The following FBXO40 variants were observed in gnomAD, a reference collection of about 807,000 sequenced individuals.
FBXO40 encodes F-box only protein 40.
In FBXO40, 50 loss-of-function variants were observed where a neutral mutation model predicts 49.9. That is an observed-to-expected ratio of 1.00 (90% CI 0.80 to 1.27). The LOEUF is 1.27. Ranked by LOEUF, FBXO40 falls within the 50% of genes most tolerant of loss-of-function variation. The pLI is 0.00. For synonymous variants in FBXO40, 340 were observed against 320.2 expected (o/e 1.06, Z -0.66); for missense variants, 895 against 870.1 (o/e 1.03, Z -0.36).
chr3:121,621,553 T>G lies in FBXO40; in HGVS notation c.124T>G (p.Cys42Gly), dbSNP rs777650887. 1.2e-6 allele frequency: 2 copies of G among 1,614,236 alleles called. No homozygotes were observed. Among genetic ancestry groups the G allele is most frequent in the Non-Finnish European group, 1.7e-6 (2 of 1,180,038 alleles). The change falls in exon 3 of 4, where the codon TGT becomes GGT. Residue 42 changes from cysteine to glycine, a missense_variant. Coordinates refer to ENST00000338040, the MANE Select transcript of FBXO40 (RefSeq NM_016298.4). Reference protein sequence around the residue: ...SCLVISCHLLCGATFHMCKEA... With the variant: ...SCLVISCHLLGGATFHMCKEA... ...CCTGGTAATAAGCTGCCACCTGCTC[T>G]GTGGTGCCACCTTCCACATGTGCAA...
intron 1 of FBXO40, among the ~76,000 whole-genome samples, chr3:121,593,798 G>T (rs1576447947): frequency 6.6e-6 from 1 of 152,162 alleles, no homozygotes; most frequent in African/African-American, 2.4e-5. Flanking sequence ...GGTGATGGGT[G>T]GGGGGATCTG....
chr3:121,595,634 G>A (rs906403670), intron 1 of FBXO40, among the ~76,000 whole-genome samples: 16 of 152,162 alleles, frequency 1.1e-4, no homozygotes, highest in Admixed American at 2.0e-4. Context: ...GAATCGCAGC[G>A]TCGAAGCCAA....
chr3:121,619,897 C>A (rs2049020892), intron 1 of FBXO40, among the ~76,000 whole-genome samples: 1 of 152,208 alleles, frequency 6.6e-6, no homozygotes. Flanking sequence ...AACACATTCC[C>A]ACATGGCATC....
chr3:121,626,264 G>A (rs576596867), intron 3 of FBXO40, among the ~76,000 whole-genome samples: 1 of 151,918 alleles, frequency 6.6e-6, no homozygotes, highest in African/African-American at 2.4e-5. Context: ...TCTGGTGATT[G>A]CTGGCACCTC....
At chr3:121,597,848 A>T (rs1196435375) in intron 1 of FBXO40, among the ~76,000 whole-genome samples, 1 of 151,930 alleles carries the variant, frequency 6.6e-6, no homozygotes, top group African/African-American at 2.4e-5. Context: ...TTTTTAGTAG[A>T]GACAGGGTTT....
rs147521206 is a variant in FBXO40 at position 121,626,813 on chromosome 3, C to T, written c.2033C>T (p.Pro678Leu). The change falls in exon 4 of 4, where the codon CCG becomes CTG. Residue 678 changes from proline (P) to leucine (L), a missense_variant. By Grantham distance (98) the Pro-to-Leu change is moderately conservative. Coordinates refer to ENST00000338040, the MANE Select transcript of FBXO40 (RefSeq NM_016298.4). ...AACATTGTAGAGCACAAAACTGACC[C>T]GATTCTTTTGACTAGCATGTGTCAG... ...PFNIVEHKTD[P>L]ILLTSMCQPR... 267 of 1,614,114 alleles carry T rather than the reference C, an allele frequency of 1.7e-4. No individual in the cohort carries two copies. The highest frequency in any genetic ancestry group is 2.2e-4 in the Non-Finnish European group (261 of 1,180,000).
At chr3:121,604,796 G>A (rs182738121) in intron 1 of FBXO40, among the ~76,000 whole-genome samples, 1 of 152,024 alleles carries the variant, frequency 6.6e-6, no homozygotes, top group East Asian at 1.9e-4. Flanking sequence ...CAGCCCATGG[G>A]GTATCATTGG....
chr3:121,611,924 C>A (rs1473282205), intron 1 of FBXO40, among the ~76,000 whole-genome samples: 2 of 152,232 alleles, frequency 1.3e-5, no homozygotes, highest in Non-Finnish European at 2.9e-5. Context: ...TGATTTTATA[C>A]AACACATGTT....
At chr3:121,613,369 T>G (rs1396222559) in intron 1 of FBXO40, among the ~76,000 whole-genome samples, 1 of 152,136 alleles carries the variant, frequency 6.6e-6, no homozygotes, top group African/African-American at 2.4e-5. Context: ...CATGGTCGCC[T>G]GAGGCAATGC....
chr3:121,608,510 G>A (rs1197193256), intron 1 of FBXO40, among the ~76,000 whole-genome samples: 1 of 152,202 alleles, frequency 6.6e-6, no homozygotes, highest in Non-Finnish European at 1.5e-5. Flanking sequence ...TGCAGGAATG[G>A]TTTAGAGCGT....
intron 1 of FBXO40, among the ~76,000 whole-genome samples, chr3:121,603,537 C>T (rs7636922): frequency 0.21 from 32,391 of 151,908 alleles, 3,852 homozygotes; most frequent in Admixed American, 0.36. Context: ...GGACATTCTG[C>T]AGGCTTGGTG....
chr3:121,613,319 C>G (rs1296327924), intron 1 of FBXO40, among the ~76,000 whole-genome samples: 1 of 152,094 alleles, frequency 6.6e-6, no homozygotes, highest in African/African-American at 2.4e-5. Flanking sequence ...CAGTAGGGTC[C>G]CCTTGTTCAT....
intron 1 of FBXO40, among the ~76,000 whole-genome samples, chr3:121,607,057 G>C (rs2048935408): frequency 6.6e-6 from 1 of 152,098 alleles, no homozygotes; most frequent in Non-Finnish European, 1.5e-5. Context: ...CCGAGGTCAA[G>C]AGTTTGAGAC....
rs2049064646 is a variant in FBXO40, at chr3:121,626,917, A to T, written c.*7A>T. On this transcript the variant is annotated 3_prime_UTR_variant, in exon 4 of 4. Coordinates refer to ENST00000338040, the MANE Select transcript of FBXO40 (RefSeq NM_016298.4). ...AGGAAGATACGTCTCCTAAAAATTCAGATGCCACTCGATGCACCCTTCTTG... is the reference window on the plus strand; with the variant it reads ...AGGAAGATACGTCTCCTAAAAATTCTGATGCCACTCGATGCACCCTTCTTG... 1.9e-6 allele frequency: 3 copies of T among 1,613,368 alleles called. No individual in the cohort carries two copies. Among genetic ancestry groups the T allele is most frequent in the Non-Finnish European group, 2.5e-6 (3 of 1,179,448 alleles).
At chr3:121,610,510 G>A (rs1433381652) in intron 1 of FBXO40, among the ~76,000 whole-genome samples, 2 of 152,068 alleles carry the variant, frequency 1.3e-5, no homozygotes, top group Non-Finnish European at 1.5e-5. Context: ...ACAAGGTTGG[G>A]TTTTCATCCT....
At chr3:121,599,987 T>C (rs1448503505) in intron 1 of FBXO40, among the ~76,000 whole-genome samples, 1 of 151,344 alleles carries the variant, frequency 6.6e-6, no homozygotes, top group Non-Finnish European at 1.5e-5. Context: ...CCTCCCAAAG[T>C]GGTGGGATTA....
chr3:121,599,703 C>T (rs61798090), intron 1 of FBXO40, among the ~76,000 whole-genome samples: 2,037 of 45,390 alleles, frequency 0.045, 26 homozygotes, highest in Non-Finnish European at 0.062. Flanking sequence ...CACACACACA[C>T]ACATATATAT....
At chr3:121,612,638 A>C (rs2048972470) in intron 1 of FBXO40, among the ~76,000 whole-genome samples, 1 of 152,138 alleles carries the variant, frequency 6.6e-6, no homozygotes, top group African/African-American at 2.4e-5. Flanking sequence ...GAAGGCCTGC[A>C]CATAGAGTAT....
Position 121,599,703 on chromosome 3 carries a change from C to CAT in FBXO40, c.-31+6202_-31+6203insTA, listed in dbSNP as rs1353289601. Among the ~76,000 whole-genome samples, 308 of 45,634 alleles carry CAT rather than the reference C, an allele frequency of 6.7e-3. 2 individuals are homozygous for CAT. Among genetic ancestry groups the CAT allele is most frequent in the African/African-American group, 0.012 (142 of 12,184 alleles). 29.9% of individuals were successfully genotyped at this position (45,634 alleles called of 152,430 possible). A position where few individuals can be genotyped will look rare whatever the true frequency, so the allele number is the denominator to read the frequency against. The stretch of plus-strand genomic sequence containing the variant: ...ACACACACACACACACACACACACA[C>CAT]ACATATATATATATATATATATTTT... On this transcript the variant is annotated intron_variant, in intron 1 of 3. Transcript: ENST00000338040.
Sources: gnomAD v4.1 joint callset for allele counts (sites outside exome capture counted in the v4.1 genomes callset) on GRCh38, gnomAD v4.1.1 for gene constraint, MANE v1.5 for transcripts, NCBI Gene and HGNC (gene_info 2026-07-23, HGNC 2026-07-21) for gene names.